FOXP1: variants seen among roughly 807,000 people sequenced by gnomAD.
FOXP1 encodes forkhead box P1.
In FOXP1, 15 loss-of-function variants were observed where a neutral mutation model predicts 98.2. That is an observed-to-expected ratio of 0.15 (90% CI 0.10 to 0.24). The LOEUF (loss-of-function observed/expected upper bound fraction) is 0.24. Ranked by LOEUF, FOXP1 falls within the 10% of genes least tolerant of loss-of-function variation. The pLI, the probability that FOXP1 is intolerant of heterozygous loss-of-function variation, is 1.00. For missense variants in FOXP1, 633 were observed against 848.5 expected, an observed-to-expected ratio of 0.75 and a Z score of 3.15; for synonymous variants, 371 against 314.5, an observed-to-expected ratio of 1.18 and a Z score of -1.90.
rs532093174 is a variant in FOXP1 at position 71,397,670 on chromosome 3, C to T, written c.-167-38426G>A. On this transcript the variant is annotated intron_variant, in intron 3 of 20. Transcript: ENST00000649528. ...ATGGGAGAAAACAATAGGAGGACCCCATATTTTCAGCTGAGAGGACAAGGA... is the reference window on the plus strand; with the variant it reads ...ATGGGAGAAAACAATAGGAGGACCCTATATTTTCAGCTGAGAGGACAAGGA... Among the ~76,000 whole-genome samples the T allele has an allele frequency of 2.7e-4, 41 of 152,300 alleles. No homozygotes were observed. The East Asian group carries it at 6.6e-3, about 24-fold the overall frequency.
intron 6 of FOXP1, among the ~76,000 whole-genome samples, chr3:71,149,873 G>A (rs1522177): frequency 0.47 from 71,081 of 152,024 alleles, 17,294 homozygotes; most frequent in East Asian, 0.87. Context: ...AAATCATTTA[G>A]CAATAAAAGC....
chr3:71,462,872 C>G (rs2088285415), intron 3 of FOXP1, among the ~76,000 whole-genome samples: 1 of 152,228 alleles, frequency 6.6e-6, no homozygotes, highest in Non-Finnish European at 1.5e-5. Context: ...GCCTAGCAGG[C>G]TGGTCACCCC....
chr3:71,394,628 C>T (rs890559793), intron 3 of FOXP1, among the ~76,000 whole-genome samples: 8 of 152,134 alleles, frequency 5.3e-5, no homozygotes, highest in Non-Finnish European at 1.2e-4. Flanking sequence ...TTGTATATGA[C>T]TTTGCATTTG....
In FOXP1 at chr3:70,957,640, A is replaced by AG. The variant is rs2032138636; in HGVS notation, c.*1606dup. 2 of 232,948 alleles carry AG rather than the reference A, an allele frequency of 8.6e-6. No homozygotes were observed. The highest frequency in any genetic ancestry group is 4.4e-5 in the African/African-American group (2 of 45,318). 14.4% of individuals were successfully genotyped at this position (232,948 alleles called of 1,614,324 possible). ...AAGTGGGTGCAGAGCTGAAGTGTGGAGGGGTTCTAAGGACTGAGGTTGTAC... is the reference window on the plus strand; with the variant it reads ...AAGTGGGTGCAGAGCTGAAGTGTGGAGGGGGTTCTAAGGACTGAGGTTGTAC... On this transcript the variant is annotated 3_prime_UTR_variant, in exon 21 of 21. Coordinates refer to ENST00000649528, the MANE Select transcript of FOXP1 (RefSeq NM_001349338.3).
At chr3:71,310,367 C>T (rs569306124) in intron 4 of FOXP1, among the ~76,000 whole-genome samples, 2 of 152,328 alleles carry the variant, frequency 1.3e-5, no homozygotes, top group East Asian at 3.9e-4. Context: ...ATGGAAATCT[C>T]AGTTTGGGTA....
intron 3 of FOXP1, among the ~76,000 whole-genome samples, chr3:71,467,609 G>A (rs927065203): frequency 6.6e-6 from 1 of 152,148 alleles, no homozygotes. Context: ...GGGGTAGCCT[G>A]TGGCTAAAAA....
intron 4 of FOXP1, among the ~76,000 whole-genome samples, chr3:71,331,303 C>T (rs2076282040): frequency 6.6e-6 from 1 of 152,200 alleles, no homozygotes; most frequent in Admixed American, 6.5e-5. Context: ...CAATTTCTCC[C>T]TGGGCCTTAG....
intron 4 of FOXP1, among the ~76,000 whole-genome samples, chr3:71,347,263 G>A (rs182787244): frequency 4.0e-4 from 61 of 152,278 alleles, no homozygotes; most frequent in African/African-American, 1.4e-3. Context: ...ATTCAGATCC[G>A]TCAAATTACA....
chr3:71,446,431 T>C (rs2086451571), intron 3 of FOXP1, among the ~76,000 whole-genome samples: 1 of 151,908 alleles, frequency 6.6e-6, no homozygotes, highest in South Asian at 2.1e-4. Flanking sequence ...AGACAAGACA[T>C]GCCCCCTGGA....
chr3:71,376,755 G>A (rs933816924), intron 3 of FOXP1, among the ~76,000 whole-genome samples: 3 of 152,064 alleles, frequency 2.0e-5, no homozygotes, highest in African/African-American at 4.8e-5. Context: ...TCACACCATG[G>A]TCCCCTTTCA....
chr3:71,423,580 A>G (rs377442617), intron 3 of FOXP1, among the ~76,000 whole-genome samples: 10 of 152,354 alleles, frequency 6.6e-5, no homozygotes, highest in African/African-American at 1.9e-4. Flanking sequence ...ACATGGTTCT[A>G]CCAGGGGTAC....
intron 2 of FOXP1, among the ~76,000 whole-genome samples, chr3:71,580,652 T>C (rs911902846): frequency 6.6e-6 from 1 of 151,888 alleles, no homozygotes. Flanking sequence ...CCCTCCAAAT[T>C]GATTCTTGCT....
chr3:71,404,114 C>CTTT (rs369261454), intron 3 of FOXP1, among the ~76,000 whole-genome samples: 3 of 49,030 alleles, frequency 6.1e-5, no homozygotes, highest in African/African-American at 2.3e-4. Flanking sequence ...TTTTTCTTTT[C>CTTT]TTTTTCTTTT....
chr3:71,411,276 G>GGC lies in FOXP1; in HGVS notation c.-167-52034_-167-52033dup, dbSNP rs749652070. Reference sequence around the variant, plus strand: ...GTGGACTTAAACCAGAGGCTGAATGGGCGTGTGTGTGTGTGTGTGTGTGTG... The same window carrying GGC: ...GTGGACTTAAACCAGAGGCTGAATGGGCGCGTGTGTGTGTGTGTGTGTGTGTG... On this transcript the variant is annotated intron_variant, in intron 3 of 20. Transcript: ENST00000649528. Among the ~76,000 whole-genome samples, 806 of 112,754 alleles carry GGC rather than the reference G, an allele frequency of 7.1e-3. 3 individuals carry two copies. Among genetic ancestry groups the GGC allele is most frequent in the Middle Eastern group, 0.013 (3 of 224 alleles). The allele number at this position is 112,754 out of a possible 152,430, so 74.0% of individuals were successfully genotyped here. A position where few individuals can be genotyped will look rare whatever the true frequency, so the allele number is the denominator to read the frequency against.
chr3:71,329,747 G>A (rs1481296887), intron 4 of FOXP1: 2 of 152,200 alleles, frequency 1.3e-5, no homozygotes, highest in African/African-American at 4.8e-5. Context: ...AAGAGTTACA[G>A]GGAAATGTCT....
At chr3:70,960,043 C>A (rs2032935202) in intron 20 of FOXP1, among the ~76,000 whole-genome samples, 1 of 152,182 alleles carries the variant, frequency 6.6e-6, no homozygotes, top group Non-Finnish European at 1.5e-5. Context: ...GCTGTGTGTT[C>A]TGCTTTGCTA....
At chr3:71,047,322 C>T (rs1398648080) in intron 9 of FOXP1, among the ~76,000 whole-genome samples, 12 of 152,084 alleles carry the variant, frequency 7.9e-5, no homozygotes, top group African/African-American at 2.4e-4. Context: ...ACACATAATT[C>T]GTCCATCAAG....
At position 71,415,080 on chromosome 3, in the gene FOXP1, C is replaced by T. The variant is rs189852153; in HGVS notation, c.-167-55836G>A. 5.3e-5 allele frequency among the ~76,000 whole-genome samples: 8 copies of T among 152,286 alleles called. No individual in the cohort carries two copies. In the East Asian group the frequency reaches 1.5e-3, roughly 29 times the overall value. Reference sequence around the variant, plus strand: ...GCTGTCATTCATATCTTAAGAGTCACCTATATCTGAACTACCTCCTCCACA... The same window carrying T: ...GCTGTCATTCATATCTTAAGAGTCATCTATATCTGAACTACCTCCTCCACA... On this transcript the variant is annotated intron_variant, in intron 3 of 20. Coordinates refer to ENST00000649528, the MANE Select transcript of FOXP1 (RefSeq NM_001349338.3).
intron 7 of FOXP1, among the ~76,000 whole-genome samples, chr3:71,067,655 G>C (rs1225932840): frequency 6.6e-6 from 1 of 151,742 alleles, no homozygotes; most frequent in Non-Finnish European, 1.5e-5. Flanking sequence ...CCAGCACTTT[G>C]GGAGGCCAAG....
Sources: gnomAD v4.1 joint callset for allele counts (sites outside exome capture counted in the v4.1 genomes callset) on GRCh38, gnomAD v4.1.1 for gene constraint, MANE v1.5 for transcripts, NCBI Gene and HGNC (gene_info 2026-07-23, HGNC 2026-07-21) for gene names.